The following NPAS3 variants were observed in gnomAD, a reference collection of about 807,000 sequenced individuals.
NPAS3 encodes neuronal PAS domain protein 3, also known as neuronal PAS domain-containing protein 3.
In NPAS3, 14 loss-of-function variants were observed where a neutral mutation model predicts 73.1. That is an observed-to-expected ratio of 0.19 (90% CI 0.13 to 0.30). The LOEUF is 0.30. Ranked by LOEUF, NPAS3 falls within the 10% of genes least tolerant of loss-of-function variation. NPAS3 has a pLI of 1.00. For missense variants in NPAS3, 1,096 were observed against 1,250.0 expected (o/e 0.88, Z 1.86); for synonymous variants, 620 against 541.5 (o/e 1.14, Z -2.01).
chr14:33,332,572 C>T (rs750752699), intron 3 of NPAS3, among the ~76,000 whole-genome samples: 11 of 152,138 alleles, frequency 7.2e-5, no homozygotes, highest in Non-Finnish European at 1.0e-4. Flanking sequence ...ATTAATCCAA[C>T]GTAGATTAAC....
At chr14:33,480,022 G>A (rs931682898) in intron 4 of NPAS3, among the ~76,000 whole-genome samples, 5 of 152,046 alleles carry the variant, frequency 3.3e-5, no homozygotes, top group South Asian at 4.2e-4. Flanking sequence ...GAGTTGGCTC[G>A]TTTCCCAAAC....
At chr14:33,037,771 T>A (rs1595293995) in intron 1 of NPAS3, among the ~76,000 whole-genome samples, 1 of 152,348 alleles carries the variant, frequency 6.6e-6, no homozygotes, top group South Asian at 2.1e-4. Flanking sequence ...TTGAAAGAAT[T>A]GGTGAAATAT....
chr14:33,715,276 A>G (rs1477937519), intron 6 of NPAS3, among the ~76,000 whole-genome samples: 1 of 152,198 alleles, frequency 6.6e-6, no homozygotes, highest in African/African-American at 2.4e-5. Flanking sequence ...TGTCCTATAA[A>G]ATAATGACCT....
intron 4 of NPAS3, among the ~76,000 whole-genome samples, chr14:33,419,767 T>C (rs1049935302): frequency 2.0e-5 from 3 of 151,900 alleles, no homozygotes; most frequent in Non-Finnish European, 2.9e-5. Context: ...TTGTCTTATA[T>C]TGATGATGGA....
At chr14:33,078,759 A>G (rs1321590679) in intron 2 of NPAS3, among the ~76,000 whole-genome samples, 2 of 152,216 alleles carry the variant, frequency 1.3e-5, no homozygotes, top group Admixed American at 6.5e-5. Context: ...TATTCTCAGT[A>G]TTGCTTCCTT....
intron 3 of NPAS3, among the ~76,000 whole-genome samples, chr14:33,271,196 C>T (rs1369640732): frequency 1.3e-5 from 2 of 152,172 alleles, no homozygotes; most frequent in African/African-American, 4.8e-5. Flanking sequence ...CTCTCTGTTC[C>T]GATTCTTCTT....
intron 3 of NPAS3, among the ~76,000 whole-genome samples, chr14:33,330,200 G>A (rs968231070): frequency 4.6e-5 from 7 of 152,038 alleles, no homozygotes; most frequent in African/African-American, 7.2e-5. Context: ...CCAAGATCAC[G>A]CCACTGCACT....
chr14:33,771,705 G>A (rs573307338), intron 7 of NPAS3, among the ~76,000 whole-genome samples: 1 of 152,252 alleles, frequency 6.6e-6, no homozygotes, highest in Admixed American at 6.5e-5. Context: ...CAGCTACTCA[G>A]GAGGCTGAGG....
chr14:33,772,348 G>C (rs890054952), intron 7 of NPAS3, among the ~76,000 whole-genome samples: 5 of 152,070 alleles, frequency 3.3e-5, no homozygotes, highest in African/African-American at 9.7e-5. Context: ...ACTCCTACTG[G>C]ACCCAACTTT....
chr14:33,427,784 TA>T (rs2048617141), intron 4 of NPAS3, among the ~76,000 whole-genome samples: 1 of 152,120 alleles, frequency 6.6e-6, no homozygotes, highest in African/African-American at 2.4e-5. Flanking sequence ...GCTCCAATAA[TA>T]TTTGTTGACT....
chr14:33,586,158 G>A (rs1451219669), intron 5 of NPAS3, among the ~76,000 whole-genome samples: 5 of 151,510 alleles, frequency 3.3e-5, no homozygotes, highest in East Asian at 3.9e-4. Context: ...GGAAAATGAG[G>A]CATCTTGTTT....
chr14:33,296,701 G>GT, intron 3 of NPAS3, among the ~76,000 whole-genome samples: 1 of 152,324 alleles, frequency 6.6e-6, no homozygotes, highest in African/African-American at 2.4e-5. Flanking sequence ...TGAGTAGAAA[G>GT]TTTTTCGACT....
chr14:33,139,400 T>G (rs1264680603), intron 2 of NPAS3, among the ~76,000 whole-genome samples: 1 of 152,194 alleles, frequency 6.6e-6, no homozygotes, highest in Admixed American at 6.5e-5. Flanking sequence ...AATAGTGGTA[T>G]AAGAATTAAA....
At chr14:33,236,429 A>G (rs17100413) in intron 3 of NPAS3, among the ~76,000 whole-genome samples, 23 of 145,476 alleles carry the variant, frequency 1.6e-4, no homozygotes, top group African/African-American at 5.9e-4. Flanking sequence ...TCCATCTGAC[A>G]TGTGTGCATG....
intron 2 of NPAS3, among the ~76,000 whole-genome samples, chr14:33,149,414 CCTT>C (rs2044365610): frequency 6.6e-6 from 1 of 152,170 alleles, no homozygotes; most frequent in African/African-American, 2.4e-5. Context: ...CTTAATCACA[CCTT>C]CTCATGACTA....
intron 7 of NPAS3, among the ~76,000 whole-genome samples, chr14:33,763,608 C>T (rs1255593636): frequency 1.3e-5 from 2 of 152,178 alleles, no homozygotes; most frequent in African/African-American, 4.8e-5. Context: ...AAAGGAGGTC[C>T]TTGCCATCAA....
At chr14:33,560,854 C>G (rs780403622) in intron 5 of NPAS3, among the ~76,000 whole-genome samples, 1 of 152,160 alleles carries the variant, frequency 6.6e-6, no homozygotes, top group Non-Finnish European at 1.5e-5. Context: ...TCTCGATATT[C>G]CCCTGGAACA....
chr14:33,511,788 A>AT (rs2053068058), intron 4 of NPAS3, among the ~76,000 whole-genome samples: 1 of 151,912 alleles, frequency 6.6e-6, no homozygotes. Context: ...GAAAGAATGA[A>AT]TTTTTTTTCC....
At chr14:33,473,633 T>G (rs10150761) in intron 4 of NPAS3, among the ~76,000 whole-genome samples, 24,106 of 152,140 alleles carry the variant, frequency 0.16, 3,210 homozygotes, top group African/African-American at 0.36. Flanking sequence ...ATCGACAGTT[T>G]TAGAAGGCAA....
Sources: gnomAD v4.1 joint callset for allele counts (sites outside exome capture counted in the v4.1 genomes callset) on GRCh38, gnomAD v4.1.1 for gene constraint, MANE v1.5 for transcripts, NCBI Gene and HGNC (gene_info 2026-07-23, HGNC 2026-07-21) for gene names.